Variants in NWD2 observed in about 807,000 individuals in gnomAD.
NWD2 encodes the protein NACHT and WD repeat domain containing 2.
NWD2 carries 37 observed loss-of-function variants against 132.7 expected under a neutral mutation model. That is an observed-to-expected ratio of 0.28 (90% CI 0.21 to 0.37). NWD2 has a LOEUF of 0.37. NWD2 is among the 10% of genes least tolerant of loss of function. The pLI, the probability that NWD2 is intolerant of heterozygous loss-of-function variation, is 1.00. For synonymous variants in NWD2, 705 were observed against 803.0 expected (o/e 0.88, Z 2.06); for missense variants, 1,592 against 2,122.4 (o/e 0.75, Z 4.91).
chr4:37,311,991 T>TCTGTTTTGGTACCAGGACCATG (rs1166824797), intron 1 of NWD2, among the ~76,000 whole-genome samples: 1 of 142,312 alleles, frequency 7.0e-6, no homozygotes, highest in Non-Finnish European at 1.5e-5. Flanking sequence ...GATCTATATC[T>TCTGTTTTGGTACCAGGACCATG]CTGTTTTGGT....
At chr4:37,297,721 A>G (rs34895863) in intron 1 of NWD2, among the ~76,000 whole-genome samples, 41,106 of 151,990 alleles carry the variant, frequency 0.27, 5,805 homozygotes, top group Middle Eastern at 0.42. Context: ...ACTATACATC[A>G]GTTATTTTGT....
chr4:37,429,607 C>T (rs1712115258), intron 3 of NWD2, among the ~76,000 whole-genome samples: 1 of 152,208 alleles, frequency 6.6e-6, no homozygotes, highest in Non-Finnish European at 1.5e-5. Flanking sequence ...AGAGCCATCG[C>T]ACTCAGCCTG....
intron 3 of NWD2, among the ~76,000 whole-genome samples, chr4:37,382,394 C>A (rs1720470797): frequency 1.3e-5 from 2 of 152,172 alleles, no homozygotes; most frequent in Admixed American, 1.3e-4. Flanking sequence ...TTTTGGCCCT[C>A]TGTTTACCAT....
At chr4:37,430,889 G>A (rs1712158379) in intron 4 of NWD2, 114 bp downstream of exon 4, 2 of 860,252 alleles carry the variant, frequency 2.3e-6, no homozygotes, top group African/African-American at 3.4e-5. Context: ...AAGTTACTCT[G>A]CCCTAGGCCC....
chr4:37,323,044 C>T (rs989224412), intron 1 of NWD2, among the ~76,000 whole-genome samples: 15 of 151,904 alleles, frequency 9.9e-5, no homozygotes, highest in African/African-American at 3.1e-4. Context: ...AATTTAGTGG[C>T]TGTATGCTCT....
At chr4:37,245,795 C>T (rs1717232784) in intron 1 of NWD2, among the ~76,000 whole-genome samples, 2 of 152,130 alleles carry the variant, frequency 1.3e-5, no homozygotes, top group African/African-American at 4.8e-5. Context: ...ACAGGCTTCG[C>T]GGTGGGGCGC....
chr4:37,322,327 A>T (rs1403282463), intron 1 of NWD2, among the ~76,000 whole-genome samples: 1 of 152,168 alleles, frequency 6.6e-6, no homozygotes, highest in Non-Finnish European at 1.5e-5. Flanking sequence ...ACTTCTGTAG[A>T]TGGAGTGCTC....
At position 37,300,969 on chromosome 4, in the gene NWD2, T is replaced by G. The variant is rs992002178; in HGVS notation, c.152-24967T>G. 8.5e-5 allele frequency among the ~76,000 whole-genome samples: 13 copies of G among 152,238 alleles called. No homozygotes were observed. The South Asian group carries it at 2.5e-3, about 29-fold the overall frequency. Reference sequence around the variant, plus strand: ...TACCAGTTTGTTTGCACACTACCAGTTTTTGCATTTCACACATTGCATTTG... The same window carrying G: ...TACCAGTTTGTTTGCACACTACCAGGTTTTGCATTTCACACATTGCATTTG... On this transcript the variant is annotated intron_variant, in intron 1 of 6. Coordinates refer to ENST00000309447, the MANE Select transcript of NWD2 (RefSeq NM_001144990.2).
rs1177156294 is a variant in NWD2 at position 37,443,815 on chromosome 4, G to A, written c.1827G>A (p.Leu609=). The stretch of plus-strand genomic sequence containing the variant: ...ACAATGCATTATCCAAGTGCACACT[G>A]CCAATGTTTGTGAACCTGACCTTCA... ...YVNNALSKCT[L]PMFVNLTFRE... is the part of the protein sequence containing the mutation. Residue 609 remains leucine (L), a synonymous_variant, in exon 7 of 7, where the codon CTG becomes CTA. Coordinates refer to ENST00000309447, the MANE Select transcript of NWD2 (RefSeq NM_001144990.2). This position sits in a 1 kb window ranked among gnomAD's most constrained non-coding sequence, Gnocchi z 4.1. The A allele has an allele frequency of 1.3e-6, 2 of 1,552,142 alleles. No individual in the cohort carries two copies. The highest frequency in any genetic ancestry group is 1.2e-5 in the South Asian group (1 of 84,064).
At chr4:37,428,057 T>C (rs1408830806) in intron 3 of NWD2, among the ~76,000 whole-genome samples, 1 of 152,260 alleles carries the variant, frequency 6.6e-6, no homozygotes, top group Non-Finnish European at 1.5e-5. Flanking sequence ...TAATCATTTC[T>C]ATGAGCTAGG....
chr4:37,319,051 C>T (rs1233181177), intron 1 of NWD2, among the ~76,000 whole-genome samples: 5 of 152,206 alleles, frequency 3.3e-5, no homozygotes, highest in Non-Finnish European at 7.3e-5. Flanking sequence ...TGAGAAATCT[C>T]CAAACTGCTT....
At chr4:37,356,895 T>G (rs1719882180) in intron 3 of NWD2, among the ~76,000 whole-genome samples, 1 of 152,232 alleles carries the variant, frequency 6.6e-6, no homozygotes, top group African/African-American at 2.4e-5. Context: ...GGCTGAAACA[T>G]TGTTAAAGTA....
At chr4:37,265,891 A>G (rs894730447) in intron 1 of NWD2, among the ~76,000 whole-genome samples, 1 of 152,050 alleles carries the variant, frequency 6.6e-6, no homozygotes, top group Non-Finnish European at 1.5e-5. Context: ...GGCTGTGCAC[A>G]TCTTTCAGGG....
intron 1 of NWD2, among the ~76,000 whole-genome samples, chr4:37,274,108 C>CA (rs1184600244): frequency 2.0e-5 from 3 of 151,820 alleles, no homozygotes; most frequent in South Asian, 2.1e-4. Context: ...GATAGAGACA[C>CA]AAAAAACCCT....
chr4:37,254,909 C>G (rs183436368), intron 1 of NWD2, among the ~76,000 whole-genome samples: 1 of 152,152 alleles, frequency 6.6e-6, no homozygotes, highest in Non-Finnish European at 1.5e-5. Flanking sequence ...TAGAGTATTA[C>G]GGAATTTCAC....
chr4:37,401,805 C>T (rs767950518), intron 3 of NWD2, among the ~76,000 whole-genome samples: 2 of 152,152 alleles, frequency 1.3e-5, no homozygotes, highest in Non-Finnish European at 2.9e-5. Context: ...AACTTCTGCC[C>T]TTGTTATTTT....
At chr4:37,255,790 C>A (rs889235858) in intron 1 of NWD2, among the ~76,000 whole-genome samples, 8 of 152,092 alleles carry the variant, frequency 5.3e-5, no homozygotes, top group African/African-American at 1.9e-4. Flanking sequence ...TGATATGACC[C>A]TGAGTCCCAG....
intron 1 of NWD2, among the ~76,000 whole-genome samples, chr4:37,248,853 G>T (rs534918223): frequency 1.3e-5 from 2 of 152,332 alleles, no homozygotes; most frequent in East Asian, 3.9e-4. Flanking sequence ...TCCATTATCT[G>T]TGATCATCTG....
At chr4:37,320,081 A>G (rs1278009311) in intron 1 of NWD2, among the ~76,000 whole-genome samples, 1 of 152,194 alleles carries the variant, frequency 6.6e-6, no homozygotes, top group African/African-American at 2.4e-5. Flanking sequence ...GGTCATTTTA[A>G]TGATATTGTG....
Sources: allele counts gnomAD v4.1 joint callset (sites outside exome capture counted in the v4.1 genomes callset), GRCh38; gene constraint gnomAD v4.1.1; non-coding constraint Gnocchi (gnomAD v3.1); transcripts MANE v1.5; gene names NCBI Gene and HGNC (gene_info 2026-07-23, HGNC 2026-07-21).